Variants in VPS13B observed in about 807,000 individuals in gnomAD.
VPS13B encodes intermembrane lipid transfer protein VPS13B.
Under a neutral mutation model 426.4 loss-of-function variants are expected in VPS13B, and 285 were observed. The ratio of observed to expected loss-of-function variants is 0.67; its 90% CI spans 0.61 to 0.74. VPS13B has a LOEUF of 0.74. Ranked by LOEUF, VPS13B falls within the 30% of genes least tolerant of loss-of-function variation. The pLI, the probability that VPS13B is intolerant of heterozygous loss-of-function variation, is 0.00. For missense variants in VPS13B, 4,537 were observed against 4,782.6 expected, an observed-to-expected ratio of 0.95 and a Z score of 1.51; for synonymous variants, 1,676 against 1,676.4, an observed-to-expected ratio of 1.00 and a Z score of 0.01.
chr8:99,139,049 CTATACAGTGTTACAGA>C (rs1275974094), intron 12 of VPS13B, among the ~76,000 whole-genome samples: 1 of 152,166 alleles, frequency 6.6e-6, no homozygotes, highest in East Asian at 1.9e-4. Flanking sequence ...TCCATGAATA[CTATACAGTGTTACAGA>C]TATTATAGTC....
intron 33 of VPS13B, among the ~76,000 whole-genome samples, chr8:99,583,851 G>T (rs963191222): frequency 6.6e-6 from 1 of 152,098 alleles, no homozygotes; most frequent in Non-Finnish European, 1.5e-5. Flanking sequence ...GGAGTATGTC[G>T]ATTTTCTGGT....
At chr8:99,077,774 G>T (rs1171198647) in intron 3 of VPS13B, among the ~76,000 whole-genome samples, 2 of 151,944 alleles carry the variant, frequency 1.3e-5, no homozygotes, top group Non-Finnish European at 2.9e-5. Flanking sequence ...TATGGCTCTT[G>T]CAGGAGTTGG....
chr8:99,718,370 A>G (rs1403018722), intron 37 of VPS13B, among the ~76,000 whole-genome samples: 1 of 152,148 alleles, frequency 6.6e-6, no homozygotes, highest in Non-Finnish European at 1.5e-5. Flanking sequence ...TATAAGAACA[A>G]TTTCCTAATA....
chr8:99,743,196 A>T (rs1258843303), intron 39 of VPS13B, among the ~76,000 whole-genome samples: 1 of 152,244 alleles, frequency 6.6e-6, no homozygotes, highest in Non-Finnish European at 1.5e-5. Context: ...ACAAACAGCC[A>T]AATCATGAGT....
At chr8:99,651,057 C>G (rs1315178540) in intron 34 of VPS13B, among the ~76,000 whole-genome samples, 1 of 151,992 alleles carries the variant, frequency 6.6e-6, no homozygotes, top group East Asian at 1.9e-4. Flanking sequence ...ATATCAGGGA[C>G]TGGGATATCT....
Position 99,628,678 on chromosome 8 carries a change from G to A in VPS13B, c.5221-13133G>A, listed in dbSNP as rs1828713131. On this transcript the variant is annotated intron_variant, in intron 33 of 61. Coordinates refer to ENST00000357162, the MANE Select transcript of VPS13B (RefSeq NM_152564.5). ...TGGTTAAGAGCTATGAAAGAAATAA[G>A]GTTCCGAGACAAACTATGTAGGATG... is the stretch of plus-strand genomic sequence containing the variant. 2.0e-5 allele frequency among the ~76,000 whole-genome samples: 3 copies of A among 151,912 alleles called. No homozygotes were observed. In the South Asian group the frequency reaches 6.2e-4, roughly 32 times the overall value.
intron 35 of VPS13B, chr8:99,696,886 C>A: frequency 2.5e-6 from 2 of 787,584 alleles, no homozygotes; most frequent in African/African-American, 1.7e-5. Context: ...ACAACTTCTG[C>A]GGTTCCAGCT....
intron 16 of VPS13B, among the ~76,000 whole-genome samples, chr8:99,187,834 G>A (rs1005728103): frequency 1.3e-5 from 2 of 151,008 alleles, no homozygotes; most frequent in Non-Finnish European, 2.9e-5. Context: ...CGGGCATGCT[G>A]GTATGCACCC....
intron 19 of VPS13B, among the ~76,000 whole-genome samples, chr8:99,303,157 G>A (rs1299751227): frequency 6.9e-6 from 1 of 145,688 alleles, no homozygotes; most frequent in Non-Finnish European, 1.5e-5. Flanking sequence ...GAATGCTCCT[G>A]TAATCCCAGC....
intron 36 of VPS13B, among the ~76,000 whole-genome samples, chr8:99,713,997 G>A (rs186425412): frequency 4.4e-4 from 67 of 152,068 alleles, no homozygotes; most frequent in Admixed American, 4.2e-3. Flanking sequence ...AAAATTATCC[G>A]GGCATGTTGG....
chr8:99,819,285 A>G (rs557707442), intron 47 of VPS13B, 127 bp from the exon 48 acceptor site: 7 of 1,125,104 alleles, frequency 6.2e-6, no homozygotes, highest in Non-Finnish European at 9.0e-6. Flanking sequence ...ACACTGTCCC[A>G]TAAATGGACT....
At chr8:99,664,109 C>T (rs985791552) in intron 35 of VPS13B, among the ~76,000 whole-genome samples, 7 of 150,752 alleles carry the variant, frequency 4.6e-5, no homozygotes, top group African/African-American at 7.3e-5. Context: ...CAGGTTCAAG[C>T]GATTCTCCTG....
chr8:99,079,873 C>G (rs556694231), intron 3 of VPS13B, among the ~76,000 whole-genome samples: 2 of 150,230 alleles, frequency 1.3e-5, no homozygotes, highest in Non-Finnish European at 3.0e-5. Context: ...TGTGGTGAGC[C>G]GAGATGGCGC....
intron 17 of VPS13B, among the ~76,000 whole-genome samples, chr8:99,265,751 A>G (rs1422458827): frequency 6.6e-6 from 1 of 151,976 alleles, no homozygotes; most frequent in East Asian, 1.9e-4. Context: ...CCTCTTTTTA[A>G]TTCTTATATT....
At chr8:99,606,534 GA>G (rs1375319371) in intron 33 of VPS13B, among the ~76,000 whole-genome samples, 1 of 145,078 alleles carries the variant, frequency 6.9e-6, no homozygotes, top group African/African-American at 2.5e-5. Flanking sequence ...AAAAGAAAAA[GA>G]AAAAAAAGAT....
chr8:99,641,681 T>C, intron 33 of VPS13B, 130 bp from the exon 34 acceptor site: 1 of 863,410 alleles, frequency 1.2e-6, no homozygotes, highest in Non-Finnish European at 1.7e-6. Context: ...TCTATTTTTC[T>C]GATTACTGTT....
At chr8:99,735,521 G>C (rs1311847483) in intron 39 of VPS13B, among the ~76,000 whole-genome samples, 1 of 152,158 alleles carries the variant, frequency 6.6e-6, no homozygotes, top group Non-Finnish European at 1.5e-5. Context: ...TGGGATTGCT[G>C]GGAGCCACCA....
At chr8:99,515,374 G>A (rs1195833917) in intron 29 of VPS13B, among the ~76,000 whole-genome samples, 2 of 151,722 alleles carry the variant, frequency 1.3e-5, no homozygotes, top group East Asian at 3.9e-4. Context: ...TGCTGCTGCT[G>A]CTGCTGCTGC....
intron 2 of VPS13B, among the ~76,000 whole-genome samples, chr8:99,030,046 G>A (rs539332793): frequency 5.2e-4 from 79 of 151,092 alleles, no homozygotes; most frequent in Admixed American, 1.1e-3. Flanking sequence ...TATTTCTTCC[G>A]TGACTTGAGA....
Sources: gnomAD v4.1 joint callset for allele counts (sites outside exome capture counted in the v4.1 genomes callset) on GRCh38, gnomAD v4.1.1 for gene constraint, MANE v1.5 for transcripts, NCBI Gene and HGNC (gene_info 2026-07-23, HGNC 2026-07-21) for gene names.